The following STK32B variants were observed in gnomAD, a reference collection of about 807,000 sequenced individuals.
STK32B encodes serine/threonine-protein kinase 32B.
STK32B carries 43 observed loss-of-function variants against 52.6 expected under a neutral mutation model. That is an observed-to-expected ratio of 0.82 (90% CI 0.64 to 1.05). STK32B has a LOEUF of 1.05. STK32B is among the 50% of genes least tolerant of loss of function. STK32B has a pLI of 0.00. For missense variants in STK32B, 621 were observed against 534.6 expected (o/e 1.16, Z -1.59); for synonymous variants, 238 against 204.3 (o/e 1.17, Z -1.41).
At chr4:5,468,967 G>A (rs915091581) in intron 11 of STK32B, among the ~76,000 whole-genome samples, 3 of 151,606 alleles carry the variant, frequency 2.0e-5, no homozygotes, top group Non-Finnish European at 4.4e-5. Context: ...GGAGAATGGT[G>A]TGAACCCGGG....
intron 3 of STK32B, among the ~76,000 whole-genome samples, chr4:5,268,464 C>T (rs532640550): frequency 6.6e-5 from 10 of 151,466 alleles, no homozygotes; most frequent in South Asian, 4.2e-4. Context: ...AATGTTTGTC[C>T]GGCTGTTTTC....
intron 1 of STK32B, among the ~76,000 whole-genome samples, chr4:5,069,480 A>C (rs1209525737): frequency 6.6e-6 from 1 of 152,164 alleles, no homozygotes; most frequent in Non-Finnish European, 1.5e-5. Context: ...TCCATCATGG[A>C]ATCTTTCAGC....
At chr4:5,281,295 G>A (rs1030040061) in intron 3 of STK32B, among the ~76,000 whole-genome samples, 6 of 152,076 alleles carry the variant, frequency 3.9e-5, no homozygotes, top group African/African-American at 1.4e-4. Flanking sequence ...CAGTCACTAT[G>A]GCATAATAAT....
chr4:5,361,092 C>G (rs1224067402), intron 4 of STK32B, among the ~76,000 whole-genome samples: 2 of 152,204 alleles, frequency 1.3e-5, no homozygotes, highest in Admixed American at 6.5e-5. Context: ...CCTTTTGTGA[C>G]TGGCTTCTTT....
At position 5,114,838 on chromosome 4, in the gene STK32B, C is replaced by A. The variant is rs114334023; in HGVS notation, c.53-25067C>A. Among the ~76,000 whole-genome samples the A allele has an allele frequency of 6.9e-3, 1,052 of 152,228 alleles. 12 individuals are homozygous for A. The highest frequency in any genetic ancestry group is 0.024 in the African/African-American group (980 of 41,542). ...GGGAGAACCCAGGCTCGTTATTCCACGGGGTGGTGCCATGCTGCATGTCAC... is the reference window on the plus strand; with the variant it reads ...GGGAGAACCCAGGCTCGTTATTCCAAGGGGTGGTGCCATGCTGCATGTCAC... On this transcript the variant is annotated intron_variant, in intron 1 of 11. Coordinates refer to ENST00000282908, the MANE Select transcript of STK32B (RefSeq NM_018401.3).
At chr4:5,218,736 C>G (rs973569130) in intron 3 of STK32B, among the ~76,000 whole-genome samples, 1 of 152,222 alleles carries the variant, frequency 6.6e-6, no homozygotes, top group Non-Finnish European at 1.5e-5. Flanking sequence ...GTAACACATT[C>G]TTTTTCCTTT....
chr4:5,369,863 AT>A (rs200885526), intron 4 of STK32B, among the ~76,000 whole-genome samples: 8 of 144,892 alleles, frequency 5.5e-5, no homozygotes, highest in Non-Finnish European at 6.1e-5. Context: ...CAAAGAGTAT[AT>A]TTTTTTTGTT....
At chr4:5,184,698 G>A (rs149816264) in intron 3 of STK32B, among the ~76,000 whole-genome samples, 21,851 of 85,574 alleles carry the variant, frequency 0.26, 2,293 homozygotes, top group East Asian at 0.41. Context: ...AAAAAAAAAA[G>A]AAGAAGAAGA....
chr4:5,313,537 T>C (rs1309821020), intron 3 of STK32B, among the ~76,000 whole-genome samples: 1 of 152,062 alleles, frequency 6.6e-6, no homozygotes, highest in Admixed American at 6.6e-5. Context: ...AAATAAGGCA[T>C]ATAGATTAGA....
chr4:5,130,221 C>G (rs902201541), intron 1 of STK32B, among the ~76,000 whole-genome samples: 5 of 151,708 alleles, frequency 3.3e-5, no homozygotes, highest in Admixed American at 1.3e-4. Context: ...GCACCATGAC[C>G]AGGCGTTCCA....
intron 11 of STK32B, among the ~76,000 whole-genome samples, chr4:5,482,799 G>A (rs989977189): frequency 3.0e-4 from 46 of 152,254 alleles, no homozygotes; most frequent in African/African-American, 1.0e-3. Flanking sequence ...AGGATGAAAC[G>A]TTGCTGAATT....
chr4:5,492,453 T>C lies in STK32B; in HGVS notation c.1107-6492T>C, dbSNP rs902819119. ...ATCCTGAGACTTTGCTGAAGTTGCT[T>C]ATCAGCTTAAGGAGATTTTGGGCTG... is the stretch of plus-strand genomic sequence containing the variant. On this transcript the variant is annotated intron_variant, in intron 11 of 11. Transcript: ENST00000282908. Among the ~76,000 whole-genome samples, 44 of 152,122 alleles carry C rather than the reference T, an allele frequency of 2.9e-4. 1 individual carries two copies. The highest frequency in any genetic ancestry group is 5.6e-4 in the Non-Finnish European group (38 of 68,018).
chr4:5,315,629 G>T (rs904672818), intron 3 of STK32B, among the ~76,000 whole-genome samples: 2 of 151,598 alleles, frequency 1.3e-5, no homozygotes, highest in African/African-American at 4.8e-5. Flanking sequence ...AGTAGATGAA[G>T]GAAGGAATAG....
At chr4:5,298,088 C>G (rs1171944387) in intron 3 of STK32B, among the ~76,000 whole-genome samples, 1 of 152,178 alleles carries the variant, frequency 6.6e-6, no homozygotes, top group Non-Finnish European at 1.5e-5. Flanking sequence ...CTCCAGACCC[C>G]ATTTGCCTGG....
intron 3 of STK32B, among the ~76,000 whole-genome samples, chr4:5,174,315 T>C (rs1719640109): frequency 6.6e-6 from 1 of 152,170 alleles, no homozygotes; most frequent in Admixed American, 6.5e-5. Flanking sequence ...AAGGTTAATA[T>C]TGTTATGTGT....
intron 6 of STK32B, among the ~76,000 whole-genome samples, chr4:5,431,926 C>T (rs926634754): frequency 3.9e-5 from 6 of 152,168 alleles, no homozygotes; most frequent in African/African-American, 1.4e-4. Flanking sequence ...CTTTCCACAG[C>T]TTCTTGGCAC....
At chr4:5,207,507 CTG>C (rs1312997862) in intron 3 of STK32B, among the ~76,000 whole-genome samples, 4 of 152,068 alleles carry the variant, frequency 2.6e-5, no homozygotes, top group African/African-American at 7.2e-5. Context: ...CCATGTGGAA[CTG>C]TGAGTCCATT....
chr4:5,332,706 A>C (rs927884348), intron 4 of STK32B, among the ~76,000 whole-genome samples: 3 of 151,888 alleles, frequency 2.0e-5, no homozygotes, highest in African/African-American at 7.3e-5. Context: ...TCCGTGTGTT[A>C]TCATTGTTCA....
chr4:5,279,720 C>A (rs28849669), intron 3 of STK32B, among the ~76,000 whole-genome samples: 5,462 of 152,320 alleles, frequency 0.036, 168 homozygotes, highest in East Asian at 0.072. Flanking sequence ...CATCCTCTGA[C>A]ATCTAGGCAG....
Sources: gnomAD v4.1 joint callset for allele counts (sites outside exome capture counted in the v4.1 genomes callset) on GRCh38, gnomAD v4.1.1 for gene constraint, MANE v1.5 for transcripts, NCBI Gene and HGNC (gene_info 2026-07-23, HGNC 2026-07-21) for gene names.